DPH6: variants seen among roughly 807,000 people sequenced by gnomAD.
DPH6 encodes diphthamine biosynthesis 6.
Under a neutral mutation model 38.2 loss-of-function variants are expected in DPH6, and 33 were observed. The ratio of observed to expected loss-of-function variants is 0.86; its 90% confidence interval spans 0.65 to 1.15. The LOEUF is 1.15. Among genes scored for constraint, DPH6 ranks in the 50% most tolerant of loss-of-function variants. The probability of loss-of-function intolerance (pLI) is 0.00; values close to 1 mark genes in which losing one functional copy is unlikely to be tolerated. For synonymous variants in DPH6, 108 were observed against 103.0 expected (o/e 1.05, Z -0.30); for missense variants, 325 against 320.0 (o/e 1.02, Z -0.12).
At chr15:35,150,242 C>CAG in the DPH6 span, among the ~76,000 whole-genome samples, 1 of 152,038 alleles carries the variant, frequency 6.6e-6, no homozygotes, top group South Asian at 2.1e-4. Flanking sequence ...TCGGAGGTGA[C>CAG]AGAGAGAGAG....
chr15:35,464,901 T>C (rs1297450711), intron 3 of DPH6, among the ~76,000 whole-genome samples: 2 of 152,226 alleles, frequency 1.3e-5, no homozygotes, highest in African/African-American at 2.4e-5. Context: ...ATTTCTACTA[T>C]ATTACATGCA....
intron 3 of DPH6, among the ~76,000 whole-genome samples, chr15:35,536,193 T>C (rs2055166613): frequency 6.6e-6 from 1 of 152,018 alleles, no homozygotes. Flanking sequence ...TTAGAATATG[T>C]AAGACCTCCA....
At chr15:35,486,605 G>A (rs928720987) in intron 3 of DPH6, among the ~76,000 whole-genome samples, 1 of 152,022 alleles carries the variant, frequency 6.6e-6, no homozygotes, top group Non-Finnish European at 1.5e-5. Context: ...CTCCCACCAA[G>A]TCCCTCTCCT....
chr15:35,542,594 C>G, intron 1 of DPH6, 87 bp from the exon 2 acceptor site: 1 of 1,226,556 alleles, frequency 8.2e-7, no homozygotes. Flanking sequence ...CAGAACATAT[C>G]ATTTACTTGA....
At chr15:35,459,861 C>T (rs55669026) in intron 3 of DPH6, among the ~76,000 whole-genome samples, 1 of 152,122 alleles carries the variant, frequency 6.6e-6, no homozygotes, top group Non-Finnish European at 1.5e-5. Flanking sequence ...CCAGTATGCA[C>T]TAAGATTTAT....
chr15:35,402,098 T>C (rs2053228045), intron 6 of DPH6, among the ~76,000 whole-genome samples: 2 of 152,358 alleles, frequency 1.3e-5, no homozygotes, highest in East Asian at 1.9e-4. Flanking sequence ...TGAATAAATG[T>C]GTCTTTTTAA....
chr15:35,426,860 A>G (rs2053575791), intron 5 of DPH6, among the ~76,000 whole-genome samples: 1 of 150,342 alleles, frequency 6.7e-6, no homozygotes, highest in Non-Finnish European at 1.5e-5. Flanking sequence ...AAATTTGTGG[A>G]TGGTTTAAAA....
chr15:35,298,592 G>C, intron 3 of DPH6: 1 of 808,476 alleles, frequency 1.2e-6, no homozygotes, highest in Non-Finnish European at 2.2e-6. Flanking sequence ...CTTCTTGGAT[G>C]CATCTTTCTC....
At chr15:35,480,288 T>C (rs1481415962) in intron 3 of DPH6, among the ~76,000 whole-genome samples, 1 of 152,130 alleles carries the variant, frequency 6.6e-6, no homozygotes, top group African/African-American at 2.4e-5. Flanking sequence ...ATAAGCACTT[T>C]ACAAGCTCAA....
At chr15:35,338,211 C>T (rs1167814358) in intron 3 of DPH6, among the ~76,000 whole-genome samples, 1 of 151,530 alleles carries the variant, frequency 6.6e-6, no homozygotes, top group Non-Finnish European at 1.5e-5. Flanking sequence ...AGCTTCTGCA[C>T]AGCAAAAGAA....
chr15:35,371,946 G>T lies in DPH6; in HGVS notation c.*204C>A. On this transcript the variant is annotated 3_prime_UTR_variant, in exon 9 of 9. Coordinates refer to ENST00000256538, the MANE Select transcript of DPH6 (RefSeq NM_080650.4). ...ACGAAAGAGAAAGAGTGAATTCCAA[G>T]AAAGTTGGCACTATTAATGAACATG... The T allele has an allele frequency of 1.6e-6, 2 of 1,256,770 alleles. No homozygotes were observed. Among genetic ancestry groups the T allele is most frequent in the Non-Finnish European group, 2.0e-6 (2 of 994,452 alleles). The allele number at this position is 1,256,770 out of a possible 1,614,324, so 77.9% of individuals were successfully genotyped here. A position where few individuals can be genotyped will look rare whatever the true frequency, so the allele number is the denominator to read the frequency against.
chr15:35,223,457 CTGGTGGATCACGAGGT>C, intron 3 of DPH6, among the ~76,000 whole-genome samples: 1 of 152,120 alleles, frequency 6.6e-6, no homozygotes, highest in Non-Finnish European at 1.5e-5. Flanking sequence ...GAGGCCAAGG[CTGGTGGATCACGAGGT>C]CAGGAGATGG....
At chr15:35,420,842 T>C (rs1000102382) in intron 5 of DPH6, among the ~76,000 whole-genome samples, 1 of 151,918 alleles carries the variant, frequency 6.6e-6, no homozygotes, top group South Asian at 2.1e-4. Context: ...AAAAGCTAAA[T>C]AAAAGGGACA....
chr15:35,505,779 A>C (rs949473492), intron 3 of DPH6, among the ~76,000 whole-genome samples: 3 of 152,148 alleles, frequency 2.0e-5, no homozygotes, highest in Admixed American at 6.6e-5. Context: ...TCAGTCTTTA[A>C]AACTTTTACT....
At chr15:35,384,780 TA>T (rs1190353481) in intron 6 of DPH6, among the ~76,000 whole-genome samples, 15 of 152,118 alleles carry the variant, frequency 9.9e-5, no homozygotes, top group African/African-American at 3.6e-4. Context: ...GGGATCTAAT[TA>T]AACTAGGGAG....
intron 3 of DPH6, chr15:35,298,191 C>T (rs191586768): frequency 2.0e-5 from 9 of 448,610 alleles, no homozygotes; most frequent in East Asian, 1.5e-4. Flanking sequence ...CTTCTTTTCT[C>T]GGCCTGCAGT....
chr15:35,308,714 T>C (rs929264446), intron 3 of DPH6, among the ~76,000 whole-genome samples: 2 of 152,208 alleles, frequency 1.3e-5, no homozygotes, highest in Non-Finnish European at 2.9e-5. Context: ...GTAAAAATGA[T>C]TTTAGGTCTT....
At chr15:35,200,980 T>TC in the DPH6 span, among the ~76,000 whole-genome samples, 3 of 100,530 alleles carry the variant, frequency 3.0e-5, no homozygotes, top group African/African-American at 7.7e-5. Flanking sequence ...ACCAATAATT[T>TC]CCCTTTTTTT....
At chr15:35,471,890 T>C (rs1374695548) in intron 3 of DPH6, among the ~76,000 whole-genome samples, 2 of 152,248 alleles carry the variant, frequency 1.3e-5, no homozygotes, top group Admixed American at 1.3e-4. Flanking sequence ...TGCAGTATAA[T>C]GCCTTATCTT....
Sources: gnomAD v4.1 joint callset for allele counts (sites outside exome capture counted in the v4.1 genomes callset) on GRCh38, gnomAD v4.1.1 for gene constraint, MANE v1.5 for transcripts, NCBI Gene and HGNC (gene_info 2026-07-23, HGNC 2026-07-21) for gene names.